Variants in QKI observed in about 807,000 individuals in gnomAD.
QKI encodes KH domain-containing RNA-binding protein QKI.
QKI carries 10 observed loss-of-function variants against 39.0 expected under a neutral mutation model. The ratio of observed to expected loss-of-function variants is 0.26; its 90% CI spans 0.16 to 0.43. QKI has a LOEUF of 0.43. QKI is among the 20% of genes least tolerant of loss of function. The pLI is 1.00. For missense variants in QKI, 218 were observed against 428.0 expected (o/e 0.51, Z 4.33); for synonymous variants, 204 against 155.4 (o/e 1.31, Z -2.33).
chr6:163,493,001 G>C (rs1468120275), intron 3 of QKI, among the ~76,000 whole-genome samples: 3 of 151,830 alleles, frequency 2.0e-5, no homozygotes, highest in African/African-American at 7.3e-5. Flanking sequence ...AGATAATTCT[G>C]GTATTTTAAA....
intron 3 of QKI, among the ~76,000 whole-genome samples, chr6:163,532,691 C>T (rs1483310047): frequency 6.6e-6 from 1 of 152,144 alleles, no homozygotes; most frequent in Non-Finnish European, 1.5e-5. Flanking sequence ...GGCACTTTGA[C>T]CTGGAATCCT....
intron 3 of QKI, among the ~76,000 whole-genome samples, chr6:163,514,181 AG>A (rs1473807684): frequency 5.9e-5 from 9 of 152,104 alleles, no homozygotes; most frequent in Admixed American, 5.2e-4. Context: ...ACTGCTGCCT[AG>A]CTTATGGCAT....
At chr6:163,462,278 A>G (rs1284346598) in intron 2 of QKI, among the ~76,000 whole-genome samples, 2 of 152,166 alleles carry the variant, frequency 1.3e-5, no homozygotes, top group African/African-American at 4.8e-5. Context: ...TTATGTCTTA[A>G]TAAACCCAGG....
intron 4 of QKI, among the ~76,000 whole-genome samples, chr6:163,539,942 T>C (rs1428431165): frequency 1.3e-5 from 2 of 151,978 alleles, no homozygotes; most frequent in African/African-American, 4.8e-5. Context: ...TTGGTTCTTA[T>C]AACTATTTGT....
intron 1 of QKI, among the ~76,000 whole-genome samples, chr6:163,450,140 C>G (rs955395203): frequency 3.3e-5 from 5 of 152,102 alleles, no homozygotes; most frequent in African/African-American, 1.2e-4. Context: ...TTACTGCAGC[C>G]TCTGTCTCCC....
chr6:163,564,817 T>A, intron 6 of QKI: 1 of 1,590,596 alleles, frequency 6.3e-7, no homozygotes, highest in Non-Finnish European at 8.6e-7. Flanking sequence ...AAAATTTGAA[T>A]ACTTTTTTTC....
intron 2 of QKI, chr6:163,457,634 AT>A (rs375211921): frequency 0.22 from 59,043 of 268,076 alleles, 2,124 homozygotes; most frequent in South Asian, 0.26. Context: ...CACTCCTCTA[AT>A]TTTTTTTTTT....
chr6:163,576,590 ATAGT>A lies in QKI; in HGVS notation c.*5881_*5884del, dbSNP rs1583247286. 1 of 152,164 alleles carries A rather than the reference ATAGT, an allele frequency of 6.6e-6. No individual in the cohort carries two copies. Among genetic ancestry groups the A allele is most frequent in the Admixed American group, 6.5e-5 (1 of 15,272 alleles). 9.4% of individuals were successfully genotyped at this position (152,164 alleles called of 1,614,324 possible). ...GTGGAAATTGTGTATATATATATATATAGTCGAAATAGGTGTTCACAGGTCACAT... is the reference window on the plus strand; with the variant it reads ...GTGGAAATTGTGTATATATATATATACGAAATAGGTGTTCACAGGTCACAT... On this transcript the variant is annotated 3_prime_UTR_variant, in exon 8 of 8. Coordinates refer to ENST00000361752, the MANE Select transcript of QKI (RefSeq NM_006775.3).
At chr6:163,486,196 A>G (rs1213944501) in intron 3 of QKI, among the ~76,000 whole-genome samples, 1 of 152,254 alleles carries the variant, frequency 6.6e-6, no homozygotes, top group Admixed American at 6.5e-5. Flanking sequence ...TTCTACCTGA[A>G]GAGTACACAA....
At chr6:163,416,654 T>G (rs1264151524) in intron 1 of QKI, among the ~76,000 whole-genome samples, 1 of 151,818 alleles carries the variant, frequency 6.6e-6, no homozygotes, top group African/African-American at 2.4e-5. Context: ...ATCCCAGGAG[T>G]TCTGTTGTCT....
At chr6:163,547,526 A>G (rs1010827185) in intron 4 of QKI, among the ~76,000 whole-genome samples, 2 of 152,196 alleles carry the variant, frequency 1.3e-5, no homozygotes, top group African/African-American at 4.8e-5. Context: ...TTCCAAATCA[A>G]CCAGCCATTC....
chr6:163,537,357 A>G (rs1469478560), intron 4 of QKI, among the ~76,000 whole-genome samples: 1 of 152,232 alleles, frequency 6.6e-6, no homozygotes. Context: ...AAATGAATGC[A>G]TTAATTCAAG....
intron 7 of QKI, chr6:163,569,209 G>C: frequency 1.0e-6 from 1 of 960,208 alleles, no homozygotes. Flanking sequence ...CCACTTTTAA[G>C]AAATTCAGGG....
intron 2 of QKI, among the ~76,000 whole-genome samples, chr6:163,470,808 TAGCTC>T (rs1286480635): frequency 1.3e-5 from 2 of 152,056 alleles, no homozygotes; most frequent in African/African-American, 4.8e-5. Context: ...AACTGGAAGA[TAGCTC>T]AGAAGAAAAT....
At chr6:163,517,063 C>T (rs1779853268) in intron 3 of QKI, among the ~76,000 whole-genome samples, 1 of 76,230 alleles carries the variant, frequency 1.3e-5, no homozygotes, top group South Asian at 5.5e-4. Context: ...CACTCACTCT[C>T]TCTCTCTCTC....
chr6:163,567,496 G>C (rs1203338779), intron 7 of QKI: 2 of 984,138 alleles, frequency 2.0e-6, no homozygotes, highest in Non-Finnish European at 2.4e-6. Flanking sequence ...TTGAAGTTCT[G>C]TGGTGGTATG....
At chr6:163,464,869 A>G (rs1352334336) in intron 2 of QKI, among the ~76,000 whole-genome samples, 1 of 152,228 alleles carries the variant, frequency 6.6e-6, no homozygotes, top group Non-Finnish European at 1.5e-5. Context: ...AAAGCCAGAT[A>G]AGGACATTGT....
At chr6:163,549,235 G>T (rs547193942) in intron 4 of QKI, among the ~76,000 whole-genome samples, 4 of 152,172 alleles carry the variant, frequency 2.6e-5, no homozygotes, top group African/African-American at 9.6e-5. Flanking sequence ...TGGTGATGAT[G>T]AAATTTGAGC....
At chr6:163,547,376 G>A (rs531219018) in intron 4 of QKI, among the ~76,000 whole-genome samples, 2 of 152,256 alleles carry the variant, frequency 1.3e-5, no homozygotes, top group South Asian at 2.1e-4. Flanking sequence ...CTTGATGTCT[G>A]CTCTTCAGAA....
Sources: allele counts gnomAD v4.1 joint callset (sites outside exome capture counted in the v4.1 genomes callset), GRCh38; gene constraint gnomAD v4.1.1; transcripts MANE v1.5; gene names NCBI Gene and HGNC (gene_info 2026-07-23, HGNC 2026-07-21).